Variants in DAB1 observed in about 807,000 individuals in gnomAD.
The protein encoded by DAB1 is DAB adaptor protein 1, also known as disabled homolog 1.
A neutral mutation model predicts 64.6 loss-of-function variants in DAB1; 15 were observed. The observed-to-expected ratio is 0.23, with a 90% confidence interval of 0.16 to 0.36. DAB1 has a LOEUF of 0.36. Among genes scored for constraint, DAB1 ranks in the 10% least tolerant of loss-of-function variants. The probability of loss-of-function intolerance (pLI) is 1.00; values close to 1 mark genes in which losing one functional copy is unlikely to be tolerated. For synonymous variants in DAB1, 235 were observed against 251.9 expected, an observed-to-expected ratio of 0.93 and a Z score of 0.64; for missense variants, 596 against 706.7, an observed-to-expected ratio of 0.84 and a Z score of 1.78.
intron 6 of DAB1, among the ~76,000 whole-genome samples, chr1:57,720,657 A>C (rs1417983967): frequency 6.6e-6 from 1 of 152,254 alleles, no homozygotes; most frequent in Non-Finnish European, 1.5e-5. Flanking sequence ...GAGGCATAAG[A>C]TAATATCAAG....
chr1:57,275,000 A>G (rs760130526), intron 2 of DAB1, among the ~76,000 whole-genome samples: 1 of 151,942 alleles, frequency 6.6e-6, no homozygotes, highest in Non-Finnish European at 1.5e-5. Flanking sequence ...GAGAACTAAT[A>G]TGTAAGCAAG....
intron 5 of DAB1, among the ~76,000 whole-genome samples, chr1:58,132,635 C>G (rs756018005): frequency 6.6e-6 from 1 of 152,198 alleles, no homozygotes; most frequent in Admixed American, 6.5e-5. Context: ...AGGAGCATCT[C>G]ACTTCTTGTT....
intron 7 of DAB1, among the ~76,000 whole-genome samples, chr1:57,543,188 C>A (rs190860963): frequency 6.6e-6 from 1 of 152,148 alleles, no homozygotes; most frequent in Non-Finnish European, 1.5e-5. Context: ...TTAAGTTTCA[C>A]GGTTTTCTAC....
rs545743407 is a variant in DAB1 at position 57,461,943 on chromosome 1, C to CTT, written n.626-170779_626-170778dup. 4.6e-4 allele frequency among the ~76,000 whole-genome samples: 46 copies of CTT among 100,332 alleles called. 1 individual carries two copies. The highest frequency in any genetic ancestry group is 2.1e-3 in the East Asian group (7 of 3,290). The allele number at this position is 100,332 out of a possible 152,430, so 65.8% of individuals were successfully genotyped here. A position where few individuals can be genotyped will look rare whatever the true frequency, so the allele number is the denominator to read the frequency against. On this transcript the variant is annotated intron_variant and non_coding_transcript_variant, in intron 7 of 20. Coordinates refer to the DAB1 transcript ENST00000485760. ...GAATACATAAAGGATAAGATATACT[C>CTT]TTTTTTTTTTTTTTTTTTTTTTTTT...
chr1:57,978,948 C>A (rs943165139), intron 5 of DAB1, among the ~76,000 whole-genome samples: 1 of 152,142 alleles, frequency 6.6e-6, no homozygotes, highest in Non-Finnish European at 1.5e-5. Flanking sequence ...AATAGGGATG[C>A]TTGTACATTG....
chr1:58,341,678 T>C (rs753735956), intron 4 of DAB1, among the ~76,000 whole-genome samples: 12 of 152,160 alleles, frequency 7.9e-5, no homozygotes, highest in Non-Finnish European at 1.5e-4. Flanking sequence ...ACTCCTCAAC[T>C]ATGATTTTAG....
chr1:57,434,104 C>G (rs1685608300), intron 7 of DAB1, among the ~76,000 whole-genome samples: 1 of 152,090 alleles, frequency 6.6e-6, no homozygotes, highest in South Asian at 2.1e-4. Flanking sequence ...TAAACATCCA[C>G]CTACTCAGGA....
At chr1:57,521,870 G>GT (rs1644531208) in intron 7 of DAB1, among the ~76,000 whole-genome samples, 1 of 152,294 alleles carries the variant, frequency 6.6e-6, no homozygotes, top group Non-Finnish European at 1.5e-5. Context: ...AGCACTTTGG[G>GT]TGGCTGAGGC....
rs146292157 is a variant in DAB1, at chr1:58,321,405, C to T, written n.309+21947G>A. Reference sequence around the variant, plus strand: ...AGGTACCTGGTTCATCTCACTGGGACTGGTTGGACAGTGGGTGCAGCCCAC... The same window carrying T: ...AGGTACCTGGTTCATCTCACTGGGATTGGTTGGACAGTGGGTGCAGCCCAC... On this transcript the variant is annotated intron_variant and non_coding_transcript_variant, in intron 4 of 20. Transcript: ENST00000485760. Among the ~76,000 whole-genome samples, 114 of 152,314 alleles carry T rather than the reference C, an allele frequency of 7.5e-4. 1 individual carries two copies. Among genetic ancestry groups the T allele is most frequent in the African/African-American group, 1.3e-3 (55 of 41,554 alleles).
intron 4 of DAB1, among the ~76,000 whole-genome samples, chr1:57,098,707 T>C (rs1468673315): frequency 6.6e-6 from 1 of 152,174 alleles, no homozygotes; most frequent in African/African-American, 2.4e-5. Flanking sequence ...TACCGGACTA[T>C]GAAGCAATGA....
At chr1:58,477,733 G>C (rs772886934) in intron 3 of DAB1, among the ~76,000 whole-genome samples, 3 of 152,112 alleles carry the variant, frequency 2.0e-5, no homozygotes, top group Non-Finnish European at 4.4e-5. Flanking sequence ...AAAGAAAAAA[G>C]AGCCCTTGCT....
At chr1:57,592,876 T>A (rs1466437524) in intron 7 of DAB1, among the ~76,000 whole-genome samples, 2 of 152,184 alleles carry the variant, frequency 1.3e-5, no homozygotes, top group African/African-American at 4.8e-5. Flanking sequence ...TCTGTGTGCA[T>A]GGAGAGAGCT....
At chr1:57,813,713 T>C (rs1651730671) in intron 6 of DAB1, among the ~76,000 whole-genome samples, 2 of 152,248 alleles carry the variant, frequency 1.3e-5, no homozygotes, top group South Asian at 4.1e-4. Context: ...GAGGAATAAC[T>C]AAATGAAGAG....
intron 11 of DAB1, among the ~76,000 whole-genome samples, chr1:57,017,316 G>A (rs142390855): frequency 6.6e-6 from 1 of 152,278 alleles, no homozygotes; most frequent in Non-Finnish European, 1.5e-5. Flanking sequence ...TACCGAGGCA[G>A]TGTACCAGGA....
intron 1 of DAB1, among the ~76,000 whole-genome samples, chr1:57,417,155 T>C (rs1570485610): frequency 1.3e-5 from 2 of 151,846 alleles, no homozygotes; most frequent in Non-Finnish European, 2.9e-5. Flanking sequence ...TACCAGGAGG[T>C]TTCAACTGTA....
chr1:57,585,183 A>G (rs1490895364), intron 7 of DAB1, among the ~76,000 whole-genome samples: 1 of 125,134 alleles, frequency 8.0e-6, no homozygotes, highest in Non-Finnish European at 1.6e-5. Flanking sequence ...TGGGAGGCGG[A>G]GGGTGCAGTG....
At chr1:58,473,208 T>G (rs1483516819) in intron 3 of DAB1, among the ~76,000 whole-genome samples, 1 of 151,952 alleles carries the variant, frequency 6.6e-6, no homozygotes, top group Non-Finnish European at 1.5e-5. Flanking sequence ...GAGGTCTGAG[T>G]CAAGTCACTC....
chr1:57,730,586 C>A (rs1057080551), intron 6 of DAB1, among the ~76,000 whole-genome samples: 1 of 152,086 alleles, frequency 6.6e-6, no homozygotes, highest in African/African-American at 2.4e-5. Flanking sequence ...CAGTGGAGGG[C>A]CTATAGATTT....
chr1:57,742,960 C>T (rs1328817925), intron 6 of DAB1, among the ~76,000 whole-genome samples: 1 of 152,122 alleles, frequency 6.6e-6, no homozygotes, highest in Non-Finnish European at 1.5e-5. Flanking sequence ...GTATTGTGTG[C>T]CGCTGTATAC....
Sources: gnomAD v4.1 joint callset for allele counts (sites outside exome capture counted in the v4.1 genomes callset) on GRCh38, gnomAD v4.1.1 for gene constraint, MANE v1.5 for transcripts, NCBI Gene and HGNC (gene_info 2026-07-23, HGNC 2026-07-21) for gene names.